The following MROH9 variants were observed in gnomAD, a reference collection of about 807,000 sequenced individuals.
The protein encoded by MROH9 is maestro heat like repeat family member 9.
A neutral mutation model predicts 98.2 loss-of-function variants in MROH9; 92 were observed. That is an observed-to-expected ratio of 0.94 (90% CI 0.79 to 1.11). The LOEUF is 1.11. MROH9 is among the 50% of genes most tolerant of loss of function. The probability of loss-of-function intolerance (pLI) is 0.00; values close to 1 mark genes in which losing one functional copy is unlikely to be tolerated. For synonymous variants in MROH9, 397 were observed against 368.9 expected, an observed-to-expected ratio of 1.08 and a Z score of -0.87; for missense variants, 1,057 against 1,014.8, an observed-to-expected ratio of 1.04 and a Z score of -0.57.
chr1:171,024,058 C>A (rs548596866), intron 17 of MROH9, among the ~76,000 whole-genome samples: 32 of 152,222 alleles, frequency 2.1e-4, no homozygotes, highest in Admixed American at 4.6e-4. Flanking sequence ...CCAAGTTCAT[C>A]CATGTCATAC....
intron 1 of MROH9, among the ~76,000 whole-genome samples, chr1:170,940,762 C>T (rs957440097): frequency 3.9e-5 from 6 of 152,114 alleles, no homozygotes; most frequent in African/African-American, 1.2e-4. Flanking sequence ...AAATGACAAC[C>T]CCTGATTCAT....
chr1:171,027,417 G>T (rs1466920080), intron 20 of MROH9, among the ~76,000 whole-genome samples: 1 of 152,126 alleles, frequency 6.6e-6, no homozygotes, highest in Non-Finnish European at 1.5e-5. Flanking sequence ...ATATTCCATG[G>T]TGTATATATA....
intron 8 of MROH9, among the ~76,000 whole-genome samples, chr1:170,975,250 G>A (rs1399317989): frequency 2.6e-5 from 4 of 151,900 alleles, no homozygotes; most frequent in Middle Eastern, 3.4e-3. Flanking sequence ...AAACATACAT[G>A]AATTAAATGT....
chr1:170,972,260 G>C (rs1650487353), intron 8 of MROH9, among the ~76,000 whole-genome samples: 1 of 152,152 alleles, frequency 6.6e-6, no homozygotes. Flanking sequence ...TGCTTCAATG[G>C]TGGAGAAAAA....
intron 7 of MROH9, among the ~76,000 whole-genome samples, chr1:170,967,294 G>A (rs1487369196): frequency 1.3e-5 from 2 of 152,138 alleles, no homozygotes; most frequent in East Asian, 3.8e-4. Flanking sequence ...ACTAGAGCTA[G>A]AATCAACCAG....
chr1:171,056,669 C>A (rs1328057210), intron 20 of MROH9, among the ~76,000 whole-genome samples: 1 of 152,188 alleles, frequency 6.6e-6, no homozygotes, highest in Non-Finnish European at 1.5e-5. Context: ...CCATGCCACC[C>A]AACTGGGTGA....
At chr1:170,976,110 C>T (rs1047674403) in intron 8 of MROH9, among the ~76,000 whole-genome samples, 7 of 152,092 alleles carry the variant, frequency 4.6e-5, no homozygotes, top group Non-Finnish European at 7.4e-5. Flanking sequence ...ATTAAGCTTG[C>T]CACTCTGTGC....
chr1:170,977,872 T>C, intron 8 of MROH9, among the ~76,000 whole-genome samples: 1 of 152,116 alleles, frequency 6.6e-6, no homozygotes, highest in South Asian at 2.1e-4. Context: ...CAACCCAGGA[T>C]TGAAGGTCTG....
chr1:171,029,654 G>A (rs1256916941), intron 20 of MROH9, among the ~76,000 whole-genome samples: 4 of 152,110 alleles, frequency 2.6e-5, no homozygotes, highest in Non-Finnish European at 2.9e-5. Context: ...TGAACCGATC[G>A]TGGTGGGTAA....
At chr1:170,962,353 A>G (rs1650046384) in intron 6 of MROH9, among the ~76,000 whole-genome samples, 1 of 152,156 alleles carries the variant, frequency 6.6e-6, no homozygotes, top group South Asian at 2.1e-4. Context: ...CTTCCTCATC[A>G]ACTCAGGTGC....
chr1:171,019,970 A>G (rs766269863), intron 17 of MROH9, among the ~76,000 whole-genome samples: 4 of 152,234 alleles, frequency 2.6e-5, no homozygotes, highest in African/African-American at 9.6e-5. Context: ...AACTACCATC[A>G]GAGAACACTA....
At chr1:170,982,833 T>A (rs1428382051) in intron 8 of MROH9, among the ~76,000 whole-genome samples, 1 of 152,180 alleles carries the variant, frequency 6.6e-6, no homozygotes, top group African/African-American at 2.4e-5. Context: ...AAGTCAAGGC[T>A]GCAGTGAACC....
At chr1:170,950,580 T>C (rs1049179523) in intron 3 of MROH9, among the ~76,000 whole-genome samples, 3 of 152,132 alleles carry the variant, frequency 2.0e-5, no homozygotes, top group Admixed American at 6.6e-5. Context: ...CAACTGTAGA[T>C]TCTGGGGATG....
intron 3 of MROH9, among the ~76,000 whole-genome samples, chr1:170,956,941 G>A (rs147049938): frequency 8.2e-4 from 125 of 151,940 alleles, no homozygotes; most frequent in African/African-American, 2.8e-3. Context: ...AGTTCTCAGA[G>A]GGACTGCTTT....
At position 171,024,726 on chromosome 1, in the gene MROH9, C is replaced by A; in HGVS notation, c.2139C>A (p.Tyr713Ter). ...STSRLLKDEN[Y>*]SFEMVVLNIC... Reference sequence around the variant, plus strand: ...CACGTTTGCTCAAAGATGAAAATTACAGTTTTGAGATGGTGGTGCTCAATA... The same window carrying A: ...CACGTTTGCTCAAAGATGAAAATTAAAGTTTTGAGATGGTGGTGCTCAATA... Residue 713 changes from tyrosine (Y) to a stop codon, truncating the protein, a stop_gained, in exon 19 of 22, where the codon TAC becomes TAA. Transcript: ENST00000367759. LOFTEE classifies it high-confidence loss of function. 1 of 1,550,854 alleles carries A rather than the reference C, an allele frequency of 6.4e-7. No individual in the cohort carries two copies. The highest frequency in any genetic ancestry group is 8.7e-7 in the Non-Finnish European group (1 of 1,146,424).
intron 8 of MROH9, among the ~76,000 whole-genome samples, chr1:170,981,444 G>T (rs1251886328): frequency 6.6e-6 from 1 of 152,196 alleles, no homozygotes; most frequent in Non-Finnish European, 1.5e-5. Flanking sequence ...AAAGGAATGA[G>T]ATCATGGCCT....
At chr1:170,972,825 A>C (rs904826301) in intron 8 of MROH9, among the ~76,000 whole-genome samples, 4 of 35,576 alleles carry the variant, frequency 1.1e-4, no homozygotes, top group East Asian at 2.3e-3. Flanking sequence ...AAAAAAAAAA[A>C]AAATACACAC....
chr1:171,008,551 G>A (rs1356731335), intron 15 of MROH9, among the ~76,000 whole-genome samples: 1 of 152,100 alleles, frequency 6.6e-6, no homozygotes, highest in African/African-American at 2.4e-5. Context: ...TTGGAAGAAG[G>A]CTGTAGTTAA....
intron 3 of MROH9, among the ~76,000 whole-genome samples, chr1:170,955,764 T>C (rs759379549): frequency 6.6e-5 from 10 of 152,224 alleles, no homozygotes; most frequent in Non-Finnish European, 1.5e-4. Flanking sequence ...ACTCTGTGGG[T>C]TGTCTGTTTA....
Sources: allele counts gnomAD v4.1 joint callset (sites outside exome capture counted in the v4.1 genomes callset), GRCh38; gene constraint gnomAD v4.1.1; transcripts MANE v1.5; gene names NCBI Gene and HGNC (gene_info 2026-07-23, HGNC 2026-07-21).